FAM135B: variants seen among roughly 807,000 people sequenced by gnomAD.
The protein encoded by FAM135B is family with sequence similarity 135 member B.
In FAM135B, 43 loss-of-function variants were observed where a neutral mutation model predicts 127.7. That is an observed-to-expected ratio of 0.34 (90% CI 0.26 to 0.43). The LOEUF (loss-of-function observed/expected upper bound fraction) is 0.43, where lower values mean the gene tolerates loss of function less well. Among genes scored for constraint, FAM135B ranks in the 20% least tolerant of loss-of-function variants. The pLI, the probability that FAM135B is intolerant of heterozygous loss-of-function variation, is 1.00. For missense variants in FAM135B, 1,558 were observed against 1,725.6 expected (o/e 0.90, Z 1.72); for synonymous variants, 670 against 665.1 (o/e 1.01, Z -0.11).
intron 2 of FAM135B, among the ~76,000 whole-genome samples, chr8:138,341,135 G>A (rs1472069869): frequency 7.2e-5 from 11 of 152,140 alleles, no homozygotes; most frequent in Non-Finnish European, 1.6e-4. Flanking sequence ...AGCATTCTTC[G>A]CAATAGCCAA....
intron 7 of FAM135B, among the ~76,000 whole-genome samples, chr8:138,220,984 A>C (rs1818982517): frequency 6.6e-6 from 1 of 152,224 alleles, no homozygotes; most frequent in African/African-American, 2.4e-5. Context: ...CATAGACTAA[A>C]AACGAAGTGA....
At chr8:138,138,922 T>C in intron 18 of FAM135B, 64 bp downstream of exon 18, 1 of 998,576 alleles carries the variant, frequency 1.0e-6, no homozygotes, top group Non-Finnish European at 1.6e-6. Context: ...ATATCTCATT[T>C]GTGTCTCAGG....
At chr8:138,299,290 A>G (rs1291405378) in intron 3 of FAM135B, among the ~76,000 whole-genome samples, 1 of 152,000 alleles carries the variant, frequency 6.6e-6, no homozygotes, top group Non-Finnish European at 1.5e-5. Flanking sequence ...ATCCTTGACT[A>G]TCTGTTGCCT....
intron 1 of FAM135B, among the ~76,000 whole-genome samples, chr8:138,435,622 C>A (rs1389585470): frequency 6.6e-6 from 1 of 152,088 alleles, no homozygotes; most frequent in East Asian, 1.9e-4. Context: ...AGTTTTAGAA[C>A]AGTTTTTGTA....
chr8:138,205,246 G>A (rs1817466851), intron 7 of FAM135B, among the ~76,000 whole-genome samples: 1 of 152,190 alleles, frequency 6.6e-6, no homozygotes, highest in Non-Finnish European at 1.5e-5. Context: ...GTGGAAAACT[G>A]AACCTTAAAA....
At position 138,259,017 on chromosome 8, in the gene FAM135B, C is replaced by T. The variant is rs185497268; in HGVS notation, c.298-2258G>A. ...GTAATAAATTATCATTATACATATA[C>T]TATTTTATTTAATGTGGATAAAACT... On this transcript the variant is annotated intron_variant, in intron 4 of 19. Coordinates refer to ENST00000395297, the MANE Select transcript of FAM135B (RefSeq NM_015912.4). Among the ~76,000 whole-genome samples the T allele has an allele frequency of 9.9e-5, 15 of 152,270 alleles. No homozygotes were observed. The East Asian group carries it at 2.7e-3, about 27-fold the overall frequency.
intron 1 of FAM135B, among the ~76,000 whole-genome samples, chr8:138,420,793 C>A (rs1834449166): frequency 6.6e-6 from 1 of 152,134 alleles, no homozygotes; most frequent in South Asian, 2.1e-4. Flanking sequence ...AATTCAACAT[C>A]CCTTTATATT....
At chr8:138,238,590 C>T (rs1345436770) in intron 7 of FAM135B, among the ~76,000 whole-genome samples, 4 of 152,176 alleles carry the variant, frequency 2.6e-5, no homozygotes, top group African/African-American at 7.2e-5. Context: ...CCAATCAGCT[C>T]GTATTGCTAT....
At position 138,152,320 on chromosome 8, in the gene FAM135B, G is replaced by T. The variant is rs761817071; in HGVS notation, c.2155C>A (p.Arg719=). The change falls in exon 13 of 20, where the codon CGA becomes AGA. Residue 719 remains arginine (R), a synonymous_variant. Coordinates refer to ENST00000395297, the MANE Select transcript of FAM135B (RefSeq NM_015912.4). ...GAGTTCCGGTGGAGGGCATGTCTTC[G>T]AACAAACGGGTGCAAGACTTCCCGA... is the stretch of plus-strand genomic sequence containing the variant. ...SDREVLHPFV[R]RHALHRNSLE... The T allele has an allele frequency of 6.2e-7, 1 of 1,614,108 alleles. No homozygotes were observed.
At chr8:138,478,976 C>T (rs376216507) in intron 1 of FAM135B, among the ~76,000 whole-genome samples, 2 of 152,172 alleles carry the variant, frequency 1.3e-5, no homozygotes, top group East Asian at 1.9e-4. Flanking sequence ...CTCTGACTGA[C>T]CAGCTCTATG....
At chr8:138,335,032 T>C (rs1247758592) in intron 2 of FAM135B, among the ~76,000 whole-genome samples, 1 of 152,224 alleles carries the variant, frequency 6.6e-6, no homozygotes, top group Non-Finnish European at 1.5e-5. Flanking sequence ...TTGGTAATGA[T>C]TCTGAGGAAT....
intron 1 of FAM135B, among the ~76,000 whole-genome samples, chr8:138,480,970 C>G (rs1282094166): frequency 6.6e-6 from 1 of 152,174 alleles, no homozygotes; most frequent in Non-Finnish European, 1.5e-5. Context: ...CAGGAGAAAA[C>G]CCTTGTCTGT....
chr8:138,456,754 T>C (rs1481018916), intron 1 of FAM135B, among the ~76,000 whole-genome samples: 1 of 152,194 alleles, frequency 6.6e-6, no homozygotes, highest in Non-Finnish European at 1.5e-5. Flanking sequence ...CATTTTTCTC[T>C]ATCAAAGAGA....
At chr8:138,208,950 T>C (rs73437656) in intron 7 of FAM135B, among the ~76,000 whole-genome samples, 5,080 of 152,338 alleles carry the variant, frequency 0.033, 155 homozygotes, top group African/African-American at 0.079. Flanking sequence ...TCTTATAAAT[T>C]ACCTTAATAC....
chr8:138,171,694 G>A (rs1820466414), intron 11 of FAM135B, among the ~76,000 whole-genome samples: 1 of 152,206 alleles, frequency 6.6e-6, no homozygotes. Context: ...CACTTTTTGA[G>A]TCTGGACTCT....
At chr8:138,466,160 C>T (rs1837370675) in intron 1 of FAM135B, among the ~76,000 whole-genome samples, 1 of 152,224 alleles carries the variant, frequency 6.6e-6, no homozygotes, top group Admixed American at 6.5e-5. Context: ...AGGTCTTGCT[C>T]ATATGCAGAG....
intron 7 of FAM135B, among the ~76,000 whole-genome samples, chr8:138,207,634 T>C (rs1337828370): frequency 6.6e-6 from 1 of 152,178 alleles, no homozygotes; most frequent in Non-Finnish European, 1.5e-5. Flanking sequence ...AGCCAATGGA[T>C]GGATGTCATA....
chr8:138,236,177 G>A (rs1181885222), intron 7 of FAM135B, among the ~76,000 whole-genome samples: 13 of 152,106 alleles, frequency 8.5e-5, no homozygotes, highest in Non-Finnish European at 7.3e-5. Context: ...CATATGTCAC[G>A]TGCCAGGCAT....
chr8:138,465,367 T>C (rs908037754), intron 1 of FAM135B, among the ~76,000 whole-genome samples: 3 of 152,200 alleles, frequency 2.0e-5, no homozygotes, highest in East Asian at 1.9e-4. Context: ...AATTTACAGA[T>C]GGAGCATCTC....
Sources: gnomAD v4.1 joint callset for allele counts (sites outside exome capture counted in the v4.1 genomes callset) on GRCh38, gnomAD v4.1.1 for gene constraint, MANE v1.5 for transcripts, NCBI Gene and HGNC (gene_info 2026-07-23, HGNC 2026-07-21) for gene names.